GPC6: variants seen among roughly 807,000 people sequenced by gnomAD.
GPC6 encodes glypican-6.
GPC6 carries 14 observed loss-of-function variants against 55.2 expected under a neutral mutation model. The ratio of observed to expected loss-of-function variants is 0.25; its 90% confidence interval spans 0.17 to 0.40. The LOEUF is 0.40. GPC6 is among the 10% of genes least tolerant of loss of function. The probability of loss-of-function intolerance (pLI) is 1.00; values close to 1 mark genes in which losing one functional copy is unlikely to be tolerated. For missense variants in GPC6, 641 were observed against 708.5 expected, an observed-to-expected ratio of 0.90 and a Z score of 1.08; for synonymous variants, 278 against 259.6, an observed-to-expected ratio of 1.07 and a Z score of -0.68.
chr13:93,928,172 G>C (rs1877958951), intron 3 of GPC6, among the ~76,000 whole-genome samples: 1 of 152,132 alleles, frequency 6.6e-6, no homozygotes, highest in Non-Finnish European at 1.5e-5. Context: ...AGATAAACTG[G>C]ATAATGGGAG....
At chr13:94,192,777 T>C (rs1258810063) in intron 4 of GPC6, among the ~76,000 whole-genome samples, 1 of 152,164 alleles carries the variant, frequency 6.6e-6, no homozygotes, top group Non-Finnish European at 1.5e-5. Flanking sequence ...CGCACCTCAG[T>C]TGTGCCCTCT....
At position 94,306,182 on chromosome 13, in the gene GPC6, T is replaced by C. The variant is rs148384704; in HGVS notation, c.1152+59T>C. The C allele has an allele frequency of 5.4e-4, 848 of 1,584,364 alleles. 7 individuals are homozygous for C. In the African/African-American group the frequency reaches 1.0e-2, roughly 19 times the overall value. ...GCTTTGTTTTACCAAGGTCATTCTT[T>C]GAAACTCCCAGGAGATTCTGGAAAA... On this transcript the variant is annotated intron_variant, in intron 6 of 8. Transcript: ENST00000377047.
chr13:93,897,880 C>T (rs1566592230), intron 3 of GPC6, among the ~76,000 whole-genome samples: 2 of 152,108 alleles, frequency 1.3e-5, no homozygotes, highest in African/African-American at 4.8e-5. Context: ...TATTAGTTCA[C>T]ATATTTCACT....
At chr13:93,378,857 T>G (rs1875034864) in intron 1 of GPC6, among the ~76,000 whole-genome samples, 1 of 151,670 alleles carries the variant, frequency 6.6e-6, no homozygotes, top group Admixed American at 6.6e-5. Flanking sequence ...TTACCAGGTG[T>G]GGTGGTGGGT....
intron 6 of GPC6, among the ~76,000 whole-genome samples, chr13:94,326,860 C>T (rs1412336276): frequency 6.6e-6 from 1 of 152,226 alleles, no homozygotes; most frequent in East Asian, 1.9e-4. Context: ...AACACGGGCA[C>T]TCTGTGAGTA....
At chr13:93,953,039 C>G (rs1183790806) in intron 3 of GPC6, among the ~76,000 whole-genome samples, 1 of 151,686 alleles carries the variant, frequency 6.6e-6, no homozygotes, top group Non-Finnish European at 1.5e-5. Flanking sequence ...TCTTGCTCCC[C>G]TTCTCATCTT....
intron 4 of GPC6, among the ~76,000 whole-genome samples, chr13:94,153,115 T>C (rs182586540): frequency 2.1e-3 from 325 of 152,274 alleles, no homozygotes; most frequent in African/African-American, 7.6e-3. Context: ...AATCATTTTC[T>C]TGGTGGAAAA....
intron 3 of GPC6, among the ~76,000 whole-genome samples, chr13:93,977,643 T>C (rs1880587613): frequency 6.6e-6 from 1 of 151,980 alleles, no homozygotes; most frequent in South Asian, 2.1e-4. Flanking sequence ...CCTCTTGAGG[T>C]TAATGATTTG....
intron 1 of GPC6, among the ~76,000 whole-genome samples, chr13:93,406,513 T>G (rs1207314586): frequency 1.3e-5 from 2 of 152,188 alleles, no homozygotes; most frequent in Admixed American, 1.3e-4. Flanking sequence ...GTAATTTACT[T>G]CTATAAGTAA....
intron 2 of GPC6, among the ~76,000 whole-genome samples, chr13:93,637,197 A>G (rs1438450115): frequency 6.6e-6 from 1 of 152,174 alleles, no homozygotes; most frequent in East Asian, 1.9e-4. Flanking sequence ...AAGGGGAGGT[A>G]TGTGTAGAAG....
At chr13:93,577,145 T>C (rs747922175) in intron 2 of GPC6, among the ~76,000 whole-genome samples, 1 of 152,044 alleles carries the variant, frequency 6.6e-6, no homozygotes, top group Non-Finnish European at 1.5e-5. Context: ...TAACTTAACT[T>C]TACACAAAAG....
chr13:94,005,987 CTT>C (rs1882003543), intron 3 of GPC6, among the ~76,000 whole-genome samples: 1 of 152,074 alleles, frequency 6.6e-6, no homozygotes, highest in Non-Finnish European at 1.5e-5. Flanking sequence ...TGTTGAAACT[CTT>C]TCTTTCCTAA....
chr13:93,853,081 AT>A (rs1048737565), intron 3 of GPC6, among the ~76,000 whole-genome samples: 1 of 151,732 alleles, frequency 6.6e-6, no homozygotes, highest in Non-Finnish European at 1.5e-5. Flanking sequence ...TATGTTTACT[AT>A]TTCCTCTTCT....
chr13:93,784,946 A>G (rs1359142590), intron 2 of GPC6, among the ~76,000 whole-genome samples: 1 of 152,198 alleles, frequency 6.6e-6, no homozygotes, highest in East Asian at 1.9e-4. Flanking sequence ...TTGAATTTAA[A>G]TGGAAGTAGC....
intron 3 of GPC6, among the ~76,000 whole-genome samples, chr13:93,972,029 G>A (rs897148189): frequency 6.6e-6 from 1 of 152,188 alleles, no homozygotes; most frequent in Non-Finnish European, 1.5e-5. Flanking sequence ...AGGCAGAGAA[G>A]GCTGACAAAA....
chr13:93,750,938 G>A (rs550666004), intron 2 of GPC6, among the ~76,000 whole-genome samples: 8 of 152,198 alleles, frequency 5.3e-5, no homozygotes, highest in Admixed American at 3.3e-4. Context: ...AGGGGAATCC[G>A]GAGAGGTCTC....
At chr13:93,382,509 A>G (rs1463911370) in intron 1 of GPC6, among the ~76,000 whole-genome samples, 3 of 152,154 alleles carry the variant, frequency 2.0e-5, no homozygotes, top group Admixed American at 2.0e-4. Context: ...TATTATTATT[A>G]TTTAGCCCAT....
At chr13:94,283,705 T>C (rs1023447270) in intron 4 of GPC6, among the ~76,000 whole-genome samples, 26 of 152,312 alleles carry the variant, frequency 1.7e-4, no homozygotes, top group African/African-American at 5.1e-4. Flanking sequence ...CAGTCTTCTT[T>C]AAGGAGAAAC....
chr13:93,536,083 T>C (rs777126063), intron 1 of GPC6, among the ~76,000 whole-genome samples: 2 of 152,102 alleles, frequency 1.3e-5, no homozygotes, highest in Non-Finnish European at 2.9e-5. Context: ...CTGGGTGGTG[T>C]GGGAACACGG....
Sources: allele counts gnomAD v4.1 joint callset (sites outside exome capture counted in the v4.1 genomes callset), GRCh38; gene constraint gnomAD v4.1.1; transcripts MANE v1.5; gene names NCBI Gene and HGNC (gene_info 2026-07-23, HGNC 2026-07-21).